AGBL1: variants seen among roughly 807,000 people sequenced by gnomAD.
The protein encoded by AGBL1 is AGBL carboxypeptidase 1.
A neutral mutation model predicts 118.9 loss-of-function variants in AGBL1; 130 were observed. That is an observed-to-expected ratio of 1.09 (90% CI 0.95 to 1.26). The LOEUF is 1.26. Ranked by LOEUF, AGBL1 falls within the 50% of genes most tolerant of loss-of-function variation. The pLI is 0.00. For missense variants in AGBL1, 1,584 were observed against 1,298.1 expected, an observed-to-expected ratio of 1.22 and a Z score of -3.38; for synonymous variants, 555 against 478.9, an observed-to-expected ratio of 1.16 and a Z score of -2.08.
At chr15:86,904,657 T>TA (rs2080257716) in intron 22 of AGBL1, among the ~76,000 whole-genome samples, 1 of 148,426 alleles carries the variant, frequency 6.7e-6, no homozygotes. Context: ...TGTATGTTAT[T>TA]ATATATAAAT....
At chr15:86,319,103 A>T (rs961849835) in intron 17 of AGBL1, among the ~76,000 whole-genome samples, 1 of 152,238 alleles carries the variant, frequency 6.6e-6, no homozygotes, top group Non-Finnish European at 1.5e-5. Flanking sequence ...TCTACTTTTG[A>T]TAACATCCGA....
intron 23 of AGBL1, among the ~76,000 whole-genome samples, chr15:86,960,153 C>A (rs1014653594): frequency 1.2e-4 from 19 of 152,186 alleles, no homozygotes; most frequent in Middle Eastern, 6.8e-3. Flanking sequence ...GCTTTCCGCA[C>A]AGTCTGACTC....
intron 21 of AGBL1, among the ~76,000 whole-genome samples, chr15:86,628,662 G>T (rs1462659529): frequency 6.6e-6 from 1 of 152,002 alleles, no homozygotes; most frequent in African/African-American, 2.4e-5. Flanking sequence ...CAGGCGTGGT[G>T]GTGGGCGCCT....
At chr15:86,829,725 T>G (rs1214091232) in intron 22 of AGBL1, among the ~76,000 whole-genome samples, 1 of 152,176 alleles carries the variant, frequency 6.6e-6, no homozygotes, top group African/African-American at 2.4e-5. Context: ...GGGAGAGATA[T>G]AGTCACAGAC....
In AGBL1 at chr15:86,424,057, C is replaced by A. The variant is rs183346137; in HGVS notation, c.2555+26511C>A. ...TTTAAATTTCATATGGAACAAAAAA[C>A]AAGCCCATATAGCCAAGACAATCAT... On this transcript the variant is annotated intron_variant, in intron 18 of 22. Transcript: ENST00000614907. 4.8e-3 allele frequency among the ~76,000 whole-genome samples: 726 copies of A among 152,174 alleles called. 4 individuals are homozygous for A. The highest frequency in any genetic ancestry group is 0.014 in the African/African-American group (564 of 41,528).
At chr15:86,843,685 C>G (rs540663530) in intron 22 of AGBL1, among the ~76,000 whole-genome samples, 1 of 152,096 alleles carries the variant, frequency 6.6e-6, no homozygotes, top group African/African-American at 2.4e-5. Context: ...GATGGCTAGA[C>G]CTTGACCTTC....
chr15:86,868,289 C>T (rs750923329), intron 22 of AGBL1, among the ~76,000 whole-genome samples: 5 of 152,222 alleles, frequency 3.3e-5, no homozygotes, highest in Non-Finnish European at 5.9e-5. Flanking sequence ...CGCCAGAGGA[C>T]TATTCATATG....
intron 17 of AGBL1, among the ~76,000 whole-genome samples, chr15:86,379,137 T>A (rs1055291143): frequency 6.6e-6 from 1 of 151,968 alleles, no homozygotes; most frequent in African/African-American, 2.4e-5. Context: ...GGTCTTGAAC[T>A]CCTCACTTCT....
intron 22 of AGBL1, among the ~76,000 whole-genome samples, chr15:86,708,375 C>T (rs780820366): frequency 2.7e-4 from 41 of 152,068 alleles, no homozygotes; most frequent in Non-Finnish European, 4.7e-4. Flanking sequence ...CATATGAGGA[C>T]ACAGTGAGAA....
At chr15:86,464,976 T>C (rs2082384381) in intron 18 of AGBL1, among the ~76,000 whole-genome samples, 1 of 152,168 alleles carries the variant, frequency 6.6e-6, no homozygotes, top group Admixed American at 6.5e-5. Context: ...GAGGTTCTCC[T>C]GGATAATATC....
chr15:86,930,762 C>T (rs940612122), intron 23 of AGBL1, among the ~76,000 whole-genome samples: 35 of 152,106 alleles, frequency 2.3e-4, no homozygotes, highest in African/African-American at 8.2e-4. Flanking sequence ...GGCCTGCCAG[C>T]CCCTGAACCA....
At chr15:86,922,321 C>T (rs972416972) in intron 23 of AGBL1, among the ~76,000 whole-genome samples, 14 of 152,206 alleles carry the variant, frequency 9.2e-5, no homozygotes, top group Admixed American at 1.3e-4. Context: ...GATGAAGTCT[C>T]GCTCTGTCAC....
At chr15:86,336,513 C>A (rs2080371284) in intron 17 of AGBL1, among the ~76,000 whole-genome samples, 1 of 152,198 alleles carries the variant, frequency 6.6e-6, no homozygotes, top group South Asian at 2.1e-4. Context: ...GAACAAGGCA[C>A]TTGTCTGGAA....
intron 5 of AGBL1, among the ~76,000 whole-genome samples, chr15:86,164,833 C>T (rs1016824487): frequency 2.0e-5 from 3 of 152,162 alleles, no homozygotes; most frequent in Admixed American, 1.3e-4. Context: ...AAAGAGGACT[C>T]GGGCTGCTCA....
chr15:86,369,226 CA>C (rs1397077617), intron 17 of AGBL1, among the ~76,000 whole-genome samples: 1 of 152,114 alleles, frequency 6.6e-6, no homozygotes, highest in Non-Finnish European at 1.5e-5. Flanking sequence ...GGACTGGCTA[CA>C]AAAACTAATT....
intron 18 of AGBL1, among the ~76,000 whole-genome samples, chr15:86,440,635 T>TC (rs1308942661): frequency 6.6e-6 from 1 of 152,016 alleles, no homozygotes; most frequent in African/African-American, 2.4e-5. Flanking sequence ...AGGAAATGAG[T>TC]CCAGTAGTTA....
chr15:86,214,218 G>T (rs188213313), intron 5 of AGBL1, among the ~76,000 whole-genome samples: 2 of 152,314 alleles, frequency 1.3e-5, no homozygotes, highest in African/African-American at 2.4e-5. Flanking sequence ...GAAACTGTCT[G>T]CTGGGTGCCT....
At chr15:86,214,223 G>C (rs1320620569) in intron 5 of AGBL1, among the ~76,000 whole-genome samples, 1 of 152,156 alleles carries the variant, frequency 6.6e-6, no homozygotes, top group Non-Finnish European at 1.5e-5. Flanking sequence ...TGTCTGCTGG[G>C]TGCCTGCTCT....
chr15:86,570,686 T>C (rs1223081586), intron 21 of AGBL1, among the ~76,000 whole-genome samples: 1 of 152,204 alleles, frequency 6.6e-6, no homozygotes, highest in Admixed American at 6.5e-5. Context: ...CACAAACTAT[T>C]TTTCAGGGTC....
Sources: allele counts gnomAD v4.1 joint callset (sites outside exome capture counted in the v4.1 genomes callset), GRCh38; gene constraint gnomAD v4.1.1; transcripts MANE v1.5; gene names NCBI Gene and HGNC (gene_info 2026-07-23, HGNC 2026-07-21).